Variants in UBE3A observed in about 807,000 individuals in gnomAD.
UBE3A encodes the protein ubiquitin-protein ligase E3A.
In UBE3A, 6 loss-of-function variants were observed where a neutral mutation model predicts 83.4. The ratio of observed to expected loss-of-function variants is 0.07; its 90% CI spans 0.04 to 0.14. The LOEUF (loss-of-function observed/expected upper bound fraction) is 0.14. Among genes scored for constraint, UBE3A ranks in the 10% least tolerant of loss-of-function variants. The pLI is 1.00. For missense variants in UBE3A, 456 were observed against 1,036.1 expected, an observed-to-expected ratio of 0.44 and a Z score of 7.69; for synonymous variants, 337 against 355.4, an observed-to-expected ratio of 0.95 and a Z score of 0.58.
intron 4 of UBE3A, among the ~76,000 whole-genome samples, chr15:25,394,300 C>A (rs966290217): frequency 6.6e-6 from 1 of 152,110 alleles, no homozygotes; most frequent in African/African-American, 2.4e-5. Flanking sequence ...ATAACAGTGT[C>A]AATTAAACCT....
intron 1 of UBE3A, among the ~76,000 whole-genome samples, chr15:25,436,635 G>A (rs1355255384): frequency 6.6e-6 from 1 of 152,136 alleles, no homozygotes; most frequent in Non-Finnish European, 1.5e-5. Context: ...AATGTTACAT[G>A]TCAAAGACAC....
At position 25,375,613 on chromosome 15, in the gene UBE3A, C is replaced by T. The variant is rs764773970; in HGVS notation, c.213G>A (p.Glu71=). 2 of 1,614,136 alleles carry T rather than the reference C, an allele frequency of 1.2e-6. No homozygotes were observed. The highest frequency in any genetic ancestry group is 2.2e-5 in the South Asian group (2 of 91,076). The part of the protein sequence containing the change: ...DNNAAAIKAL[E]LYKINAKLCD... The stretch of plus-strand genomic sequence containing the variant: ...AGAGTTTTGCATTAATCTTATAAAG[C>T]TCGAGGGCTTTAATAGCTGCTGCAT... Residue 71 remains glutamate, a synonymous_variant, in exon 5 of 13, where the codon GAG becomes GAA. Transcript: ENST00000648336.
chr15:25,409,504 C>A, intron 2 of UBE3A: 1 of 159,884 alleles, frequency 6.3e-6, no homozygotes. Flanking sequence ...CTAATCAAGA[C>A]AGATAATATA....
rs549788001 is a variant in UBE3A, at chr15:25,339,071, A to T, written c.*66T>A. The T allele has an allele frequency of 4.8e-6, 7 of 1,458,454 alleles. No individual in the cohort carries two copies. Among genetic ancestry groups the T allele is most frequent in the African/African-American group, 1.4e-5 (1 of 69,710 alleles). 90.3% of individuals were successfully genotyped at this position (1,458,454 alleles called of 1,614,324 possible). ...AAAATTTATCCCTCGTTATATTTTT[A>T]AAATTTTTTAAATTTTTTCTTTTTT... On this transcript the variant is annotated 3_prime_UTR_variant, in exon 13 of 13. Coordinates refer to ENST00000648336, the MANE Select transcript of UBE3A (RefSeq NM_130839.5).
intron 4 of UBE3A, among the ~76,000 whole-genome samples, chr15:25,404,694 C>T (rs2088028840): frequency 6.6e-6 from 1 of 152,148 alleles, no homozygotes; most frequent in Non-Finnish European, 1.5e-5. Flanking sequence ...TACTATCTAC[C>T]TACTGAGCAA....
chr15:25,398,201 C>CA (rs1342293237), intron 4 of UBE3A, among the ~76,000 whole-genome samples: 12 of 109,904 alleles, frequency 1.1e-4, no homozygotes, highest in South Asian at 2.9e-4. Context: ...ACACAAAAAA[C>CA]AAAAAAAAGG....
intron 4 of UBE3A, among the ~76,000 whole-genome samples, chr15:25,387,830 T>A (rs1350400332): frequency 3.9e-5 from 6 of 152,144 alleles, no homozygotes; most frequent in Non-Finnish European, 8.8e-5. Context: ...AATCAAGGGA[T>A]ATTATGAACA....
chr15:25,398,181 A>C (rs1170131235), intron 4 of UBE3A, among the ~76,000 whole-genome samples: 3 of 151,088 alleles, frequency 2.0e-5, no homozygotes, highest in Non-Finnish European at 3.0e-5. Context: ...AAAAAAAAAA[A>C]AAAAAAAAAA....
chr15:25,369,164 A>C (rs2079845255), intron 6 of UBE3A, among the ~76,000 whole-genome samples: 1 of 152,152 alleles, frequency 6.6e-6, no homozygotes, highest in Non-Finnish European at 1.5e-5. Context: ...CCTTATGATC[A>C]GTCATTAAGT....
intron 1 of UBE3A, among the ~76,000 whole-genome samples, chr15:25,425,192 T>G (rs571592072): frequency 6.6e-6 from 1 of 152,088 alleles, no homozygotes; most frequent in East Asian, 1.9e-4. Flanking sequence ...CCATGGTAAG[T>G]AAAAGAACCC....
intron 4 of UBE3A, among the ~76,000 whole-genome samples, chr15:25,389,864 G>A (rs956482210): frequency 6.6e-6 from 1 of 151,958 alleles, no homozygotes; most frequent in African/African-American, 2.4e-5. Context: ...CTGCAACCTG[G>A]GTGACAGAGC....
intron 1 of UBE3A, among the ~76,000 whole-genome samples, chr15:25,425,842 C>T (rs1269496607): frequency 6.6e-6 from 1 of 152,024 alleles, no homozygotes; most frequent in Non-Finnish European, 1.5e-5. Context: ...GTTAGAATTC[C>T]TAGGAACTTT....
chr15:25,407,155 C>A (rs1367721836), intron 3 of UBE3A: 2 of 1,348,674 alleles, frequency 1.5e-6, no homozygotes, highest in Middle Eastern at 2.1e-4. Context: ...TTGATGATAA[C>A]CCCATGTACC....
At chr15:25,348,352 T>C (rs1480720249) in intron 11 of UBE3A, among the ~76,000 whole-genome samples, 2 of 152,138 alleles carry the variant, frequency 1.3e-5, no homozygotes, top group African/African-American at 4.8e-5. Context: ...CCAAATGGAC[T>C]CTTGGTTTTT....
rs932275207 is a variant in UBE3A, at chr15:25,335,889, G to C, written c.*3248C>G. 3 of 152,336 alleles carry C rather than the reference G, an allele frequency of 2.0e-5. No individual in the cohort carries two copies. The highest frequency in any genetic ancestry group is 7.2e-5 in the African/African-American group (3 of 41,552). 9.4% of individuals were successfully genotyped at this position (152,336 alleles called of 1,614,324 possible). The stretch of plus-strand genomic sequence containing the variant: ...ACTGGGATGGAAAAACAAGTAGCCA[G>C]AGAAGCAACAGCCCAAGCTAGGGTG... On this transcript the variant is annotated 3_prime_UTR_variant, in exon 13 of 13. Coordinates refer to ENST00000648336, the MANE Select transcript of UBE3A (RefSeq NM_130839.5).
At chr15:25,355,777 GTTAC>G in intron 9 of UBE3A, 111 bp downstream of exon 9, 1 of 1,062,350 alleles carries the variant, frequency 9.4e-7, no homozygotes, top group East Asian at 2.6e-5. Context: ...CATAAACTTA[GTTAC>G]TTGTTTTTTT....
rs11413336 is a variant in UBE3A, at chr15:25,406,856, G to GAA, written c.21-1356_21-1355dup. Among the ~76,000 whole-genome samples, 701 of 114,646 alleles carry GAA rather than the reference G, an allele frequency of 6.1e-3. 10 individuals are homozygous for GAA. The highest frequency in any genetic ancestry group is 0.029 in the South Asian group (101 of 3,534). 75.2% of individuals were successfully genotyped at this position (114,646 alleles called of 152,430 possible). On this transcript the variant is annotated intron_variant, in intron 3 of 12. Coordinates refer to ENST00000648336, the MANE Select transcript of UBE3A (RefSeq NM_130839.5). ...GATTCCAAGGACAAGAATGGAAAAG[G>GAA]AAAAAAAAAAAAAAAAAAGACTCCA...
intron 4 of UBE3A, among the ~76,000 whole-genome samples, chr15:25,403,605 C>T (rs1204752839): frequency 6.6e-6 from 1 of 152,100 alleles, no homozygotes; most frequent in Non-Finnish European, 1.5e-5. Context: ...AATTCCACTT[C>T]TGGGAAAACA....
intron 11 of UBE3A, among the ~76,000 whole-genome samples, chr15:25,341,436 A>G (rs1049500247): frequency 6.6e-6 from 1 of 151,386 alleles, no homozygotes; most frequent in Non-Finnish European, 1.5e-5. Flanking sequence ...AGTTGCTTAT[A>G]TAATATAAAA....
Sources: gnomAD v4.1 joint callset for allele counts (sites outside exome capture counted in the v4.1 genomes callset) on GRCh38, gnomAD v4.1.1 for gene constraint, MANE v1.5 for transcripts, NCBI Gene and HGNC (gene_info 2026-07-23, HGNC 2026-07-21) for gene names.